BLVRA: variants seen among roughly 807,000 people sequenced by gnomAD.
The protein encoded by BLVRA is biliverdin reductase A, also known as BVR A.
A neutral mutation model predicts 32.8 loss-of-function variants in BLVRA; 22 were observed. The observed-to-expected ratio is 0.67, with a 90% CI of 0.48 to 0.96. The LOEUF (loss-of-function observed/expected upper bound fraction) is 0.96, where lower values mean the gene tolerates loss of function less well. Ranked by LOEUF, BLVRA falls within the 40% of genes least tolerant of loss-of-function variation. The probability of loss-of-function intolerance (pLI) is 0.00; values close to 1 mark genes in which losing one functional copy is unlikely to be tolerated. For synonymous variants in BLVRA, 119 were observed against 141.3 expected, an observed-to-expected ratio of 0.84 and a Z score of 1.12; for missense variants, 323 against 358.1, an observed-to-expected ratio of 0.90 and a Z score of 0.79.
chr7:43,802,090 C>T (rs1417920797), intron 6 of BLVRA, among the ~76,000 whole-genome samples: 7 of 151,974 alleles, frequency 4.6e-5, no homozygotes, highest in African/African-American at 2.4e-5. Flanking sequence ...TGTAGTGAGC[C>T]GAGATCGCAC....
chr7:43,791,539 G>T, intron 4 of BLVRA, 171 bp downstream of exon 4: 1 of 682,068 alleles, frequency 1.5e-6, no homozygotes, highest in Non-Finnish European at 2.5e-6. Flanking sequence ...CTTATTGCTG[G>T]TTATAAATAT....
intron 1 of BLVRA, among the ~76,000 whole-genome samples, chr7:43,760,540 GT>G (rs1264636715): frequency 6.6e-6 from 1 of 152,040 alleles, no homozygotes; most frequent in Non-Finnish European, 1.5e-5. Context: ...TGGGCCATTT[GT>G]TTTTTGTGGT....
chr7:43,773,746 G>A (rs1563538432), intron 2 of BLVRA, among the ~76,000 whole-genome samples: 1 of 152,232 alleles, frequency 6.6e-6, no homozygotes, highest in Non-Finnish European at 1.5e-5. Flanking sequence ...CTAGTTTACA[G>A]TCACACCAAC....
chr7:43,761,708 T>C (rs961152850), intron 1 of BLVRA, among the ~76,000 whole-genome samples: 2 of 152,222 alleles, frequency 1.3e-5, no homozygotes, highest in Non-Finnish European at 1.5e-5. Context: ...TGAAAGTCTG[T>C]TCAGTTTGGG....
chr7:43,796,753 G>C (rs1227999340), intron 5 of BLVRA, among the ~76,000 whole-genome samples: 1 of 152,178 alleles, frequency 6.6e-6, no homozygotes, highest in Non-Finnish European at 1.5e-5. Context: ...GCAATCAACT[G>C]AGTGAAAAAG....
At chr7:43,779,413 T>C (rs979184952) in intron 2 of BLVRA, among the ~76,000 whole-genome samples, 2 of 152,268 alleles carry the variant, frequency 1.3e-5, no homozygotes, top group African/African-American at 4.8e-5. Flanking sequence ...TTTCCCATAT[T>C]ATATACCGAA....
intron 1 of BLVRA, among the ~76,000 whole-genome samples, chr7:43,759,189 G>A (rs2095739694): frequency 6.6e-6 from 1 of 152,254 alleles, no homozygotes; most frequent in South Asian, 2.1e-4. Context: ...CTCCGCTGGG[G>A]CGAATCCTGA....
intron 1 of BLVRA, among the ~76,000 whole-genome samples, chr7:43,763,072 A>G (rs2095744152): frequency 6.6e-6 from 1 of 152,196 alleles, no homozygotes; most frequent in Non-Finnish European, 1.5e-5. Context: ...AAGCATAAAA[A>G]TGAAAGGAAT....
chr7:43,806,197 CAGGTACTGGGGAGCCTG>C (rs962967221), intron 7 of BLVRA, among the ~76,000 whole-genome samples: 2 of 152,146 alleles, frequency 1.3e-5, no homozygotes, highest in Non-Finnish European at 2.9e-5. Flanking sequence ...CCTGTAATCC[CAGGTACTGGGGAGCCTG>C]AGGCAGGAGA....
intron 2 of BLVRA, among the ~76,000 whole-genome samples, chr7:43,776,441 G>C (rs1364329461): frequency 1.3e-5 from 2 of 152,174 alleles, no homozygotes; most frequent in Non-Finnish European, 2.9e-5. Flanking sequence ...TTTCCATGTA[G>C]TTGAGCAGTT....
chr7:43,769,769 C>T (rs905656738), intron 1 of BLVRA, among the ~76,000 whole-genome samples: 1 of 152,074 alleles, frequency 6.6e-6, no homozygotes, highest in Admixed American at 6.5e-5. Context: ...CCACCACACC[C>T]GGCTAATTTT....
intron 1 of BLVRA, among the ~76,000 whole-genome samples, chr7:43,768,411 G>A (rs758499059): frequency 6.6e-6 from 1 of 152,158 alleles, no homozygotes; most frequent in African/African-American, 2.4e-5. Flanking sequence ...GCACAGCCTG[G>A]GTTTGAGTCT....
At position 43,771,245 on chromosome 7, in the gene BLVRA, C is replaced by A. The variant is rs1348828470; in HGVS notation, c.12+75C>A. The A allele has an allele frequency of 2.0e-6, 3 of 1,521,308 alleles. No individual in the cohort carries two copies. The African/African-American group carries it at 4.1e-5, about 21-fold the overall frequency. 94.2% of individuals were successfully genotyped at this position (1,521,308 alleles called of 1,614,324 possible). On this transcript the variant is annotated intron_variant, in intron 2 of 7. Transcript: ENST00000265523. ...CCTCATTTCTCCTTTGCAGAGTCTCCATTCCCTTTCAGAAACATCAGCACA... is the reference window on the plus strand; with the variant it reads ...CCTCATTTCTCCTTTGCAGAGTCTCAATTCCCTTTCAGAAACATCAGCACA...
At chr7:43,805,723 T>G (rs540522528) in intron 7 of BLVRA, among the ~76,000 whole-genome samples, 2 of 152,104 alleles carry the variant, frequency 1.3e-5, no homozygotes, top group Non-Finnish European at 2.9e-5. Context: ...TTTTTATCTA[T>G]TTATTTATTT....
In BLVRA at chr7:43,803,707, C is replaced by T. The variant is rs772231652; in HGVS notation, c.492C>T (p.Phe164=). ...CGTTGGAAGAAGAGCGGTTTGGCTT[C>T]CCTGCATTCAGCGGCATCTCTCGCC... ...AGPLEEERFG[F]PAFSGISRLT... is the part of the protein sequence containing the mutation. Residue 164 remains phenylalanine, a synonymous_variant, in exon 7 of 8, where the codon TTC becomes TTT. Coordinates refer to ENST00000265523, the MANE Select transcript of BLVRA (RefSeq NM_000712.4). 1.2e-6 allele frequency: 2 copies of T among 1,611,694 alleles called. No individual in the cohort carries two copies. Among genetic ancestry groups the T allele is most frequent in the African/African-American group, 2.7e-5 (2 of 74,692 alleles).
chr7:43,791,567 A>G, intron 4 of BLVRA, 199 bp downstream of exon 4: 1 of 588,730 alleles, frequency 1.7e-6, no homozygotes. Flanking sequence ...AGTGAAAAAT[A>G]GTAAAATTAA....
chr7:43,771,093 G>A (rs2095754168), intron 1 of BLVRA, 45 bp from the exon 2 acceptor site: 2 of 1,573,428 alleles, frequency 1.3e-6, no homozygotes, highest in African/African-American at 1.4e-5. Context: ...CTGGAGTTTG[G>A]GCAGGTGCCA....
chr7:43,768,976 A>G (rs1455301866), intron 1 of BLVRA, among the ~76,000 whole-genome samples: 2 of 151,568 alleles, frequency 1.3e-5, no homozygotes, highest in East Asian at 3.9e-4. Context: ...TCTGGGTACA[A>G]AATAGTTTGG....
chr7:43,776,517 T>C (rs948486664), intron 2 of BLVRA, among the ~76,000 whole-genome samples: 4 of 152,240 alleles, frequency 2.6e-5, no homozygotes, highest in Admixed American at 1.3e-4. Flanking sequence ...CAGTTTGTTA[T>C]AATTTCTGTT....
Sources: allele counts gnomAD v4.1 joint callset (sites outside exome capture counted in the v4.1 genomes callset), GRCh38; gene constraint gnomAD v4.1.1; transcripts MANE v1.5; gene names NCBI Gene and HGNC (gene_info 2026-07-23, HGNC 2026-07-21).